Variants in BAIAP2 observed in about 807,000 individuals in gnomAD.
The protein encoded by BAIAP2 is BAR/IMD domain containing adaptor protein 2, also known as BAR/IMD domain-containing adapter protein 2.
Under a neutral mutation model 63.0 loss-of-function variants are expected in BAIAP2, and 18 were observed. The observed-to-expected ratio is 0.29, with a 90% confidence interval of 0.20 to 0.42. The LOEUF is 0.42. Ranked by LOEUF, BAIAP2 falls within the 10% of genes least tolerant of loss-of-function variation. The probability of loss-of-function intolerance (pLI) is 1.00; values close to 1 mark genes in which losing one functional copy is unlikely to be tolerated. For missense variants in BAIAP2, 610 were observed against 734.3 expected (o/e 0.83, Z 1.96); for synonymous variants, 386 against 307.6 (o/e 1.25, Z -2.67).
At chr17:81,110,196 C>G (rs960331110) in intron 13 of BAIAP2, 3 of 985,612 alleles carry the variant, frequency 3.0e-6, no homozygotes, top group Non-Finnish European at 3.6e-6. Flanking sequence ...CACACCTCCC[C>G]GTGGCCTGGG....
intron 3 of BAIAP2, among the ~76,000 whole-genome samples, chr17:81,075,572 T>G (rs2053524762): frequency 6.6e-6 from 1 of 152,224 alleles, no homozygotes; most frequent in African/African-American, 2.4e-5. Flanking sequence ...AGTGCCTGCC[T>G]CCTTGTGGCC....
At chr17:81,088,554 C>G (rs1018718238) in intron 6 of BAIAP2, among the ~76,000 whole-genome samples, 1 of 152,230 alleles carries the variant, frequency 6.6e-6, no homozygotes, top group African/African-American at 2.4e-5. Context: ...TGCCATTGGC[C>G]TCCGTAGACT....
chr17:81,109,809 C>T, intron 13 of BAIAP2: 4 of 985,396 alleles, frequency 4.1e-6, no homozygotes, highest in Non-Finnish European at 4.8e-6. Context: ...CCAGAGACCA[C>T]CCCACCCCCA....
intron 1 of BAIAP2, among the ~76,000 whole-genome samples, chr17:81,050,937 G>A (rs1457825215): frequency 6.6e-6 from 1 of 151,702 alleles, no homozygotes; most frequent in Non-Finnish European, 1.5e-5. Flanking sequence ...CGCCAGTCCC[G>A]GTCTGCATGG....
chr17:81,055,583 T>TTTTTTTTTTTTTG (rs2049390641), intron 2 of BAIAP2, among the ~76,000 whole-genome samples: 2 of 149,232 alleles, frequency 1.3e-5, no homozygotes, highest in Non-Finnish European at 3.0e-5. Flanking sequence ...TGTTTTTTTT[T>TTTTTTTTTTTTTG]GAGACGGAGT....
chr17:81,051,733 A>G (rs1207161104), intron 1 of BAIAP2, among the ~76,000 whole-genome samples: 1 of 152,162 alleles, frequency 6.6e-6, no homozygotes, highest in African/African-American at 2.4e-5. Flanking sequence ...TCTGTCACCC[A>G]GGCTGGAGTA....
Position 81,116,648 on chromosome 17 carries a change from C to G in BAIAP2, c.*809C>G, listed in dbSNP as rs6565535. Reference sequence around the variant, plus strand: ...CAGGACTCCTGGGTGGACCTCCCCCCCCCACCTCCGCTGACTCCTGCAGGC... The same window carrying G: ...CAGGACTCCTGGGTGGACCTCCCCCGCCCACCTCCGCTGACTCCTGCAGGC... On this transcript the variant is annotated 3_prime_UTR_variant, in exon 14 of 14. Transcript: ENST00000428708. The G allele has an allele frequency of 6.2e-5, 22 of 356,108 alleles. No homozygotes were observed. In the Admixed American group the frequency reaches 7.0e-4, roughly 11 times the overall value. 22.1% of individuals were successfully genotyped at this position (356,108 alleles called of 1,614,324 possible).
At chr17:81,088,172 G>A (rs1476450871) in intron 6 of BAIAP2, among the ~76,000 whole-genome samples, 6 of 152,136 alleles carry the variant, frequency 3.9e-5, no homozygotes, top group Non-Finnish European at 5.9e-5. Flanking sequence ...CCTCCGAGCA[G>A]GTCAGGACAG....
At chr17:81,044,728 A>G (rs1465321038) in intron 1 of BAIAP2, among the ~76,000 whole-genome samples, 2 of 152,178 alleles carry the variant, frequency 1.3e-5, no homozygotes, top group Non-Finnish European at 2.9e-5. Context: ...TTACGAGCCT[A>G]TGATGGTTTT....
chr17:81,038,020 C>T lies in BAIAP2; in HGVS notation c.54+2712C>T, dbSNP rs368915896. Among the ~76,000 whole-genome samples, 34 of 152,220 alleles carry T rather than the reference C, an allele frequency of 2.2e-4. 1 individual carries two copies. The highest frequency in any genetic ancestry group is 7.7e-4 in the African/African-American group (32 of 41,440). The stretch of plus-strand genomic sequence containing the variant: ...AGTGGAACGGCTTCCCGGTGTTTGC[C>T]GAGAACATAATCTCAGACCTTCTGG... On this transcript the variant is annotated intron_variant, in intron 1 of 13. Coordinates refer to ENST00000428708, the MANE Select transcript of BAIAP2 (RefSeq NM_001144888.2).
intron 13 of BAIAP2, 80 bp from the exon 14 acceptor site, chr17:81,115,690 T>C: frequency 2.6e-6 from 4 of 1,546,136 alleles, no homozygotes; most frequent in Non-Finnish European, 2.7e-6. Context: ...GGGGAATCCC[T>C]GGGGCATCGG....
At chr17:81,109,459 G>A in intron 13 of BAIAP2, 1 of 987,608 alleles carries the variant, frequency 1.0e-6, no homozygotes, top group Non-Finnish European at 1.2e-6. Flanking sequence ...GATCTGCATG[G>A]ACTCCGGTGT....
At chr17:81,039,424 C>T (rs1026878473) in intron 1 of BAIAP2, among the ~76,000 whole-genome samples, 1 of 152,224 alleles carries the variant, frequency 6.6e-6, no homozygotes, top group Non-Finnish European at 1.5e-5. Flanking sequence ...CCGTTGGTGG[C>T]TGCATGAAGT....
At chr17:81,073,946 C>T (rs1238175990) in intron 3 of BAIAP2, among the ~76,000 whole-genome samples, 4 of 152,182 alleles carry the variant, frequency 2.6e-5, no homozygotes, top group Non-Finnish European at 5.9e-5. Flanking sequence ...GCTTATGGAG[C>T]AGTCTTCCAA....
In BAIAP2 at chr17:81,045,473, G is replaced by C. The variant is rs549083797; in HGVS notation, c.55-8195G>C. 5.6e-4 allele frequency among the ~76,000 whole-genome samples: 85 copies of C among 152,274 alleles called. 1 individual carries two copies. In the South Asian group the frequency reaches 0.017, roughly 30 times the overall value. On this transcript the variant is annotated intron_variant, in intron 1 of 13. Transcript: ENST00000428708. ...ACCTCCCAGGAGCCTGGCGGGTAGG[G>C]CAGGCAGCATGAGGGAAGGAGTCCC...
Position 81,104,778 on chromosome 17 carries a change from G to A in BAIAP2, c.1268+63G>A, listed in dbSNP as rs1048953491. ...GCCTTCAGCAAGTGTGTGGGGCAGC[G>A]ACACTCAAGTGCACTGAGACCTTGT... is the stretch of plus-strand genomic sequence containing the variant. On this transcript the variant is annotated intron_variant, in intron 10 of 13. Transcript: ENST00000428708. 1.0e-5 allele frequency: 15 copies of A among 1,470,804 alleles called. No individual in the cohort carries two copies. In the South Asian group the frequency reaches 1.2e-4, roughly 12 times the overall value. 91.1% of individuals were successfully genotyped at this position (1,470,804 alleles called of 1,614,324 possible).
intron 1 of BAIAP2, among the ~76,000 whole-genome samples, chr17:81,048,201 A>G (rs1598511552): frequency 6.6e-6 from 1 of 152,110 alleles, no homozygotes. Context: ...CCTGGCCAAC[A>G]TGGTGAAACC....
chr17:81,096,994 A>AGGAGGC (rs1555677138), intron 6 of BAIAP2, among the ~76,000 whole-genome samples: 2 of 152,164 alleles, frequency 1.3e-5, no homozygotes, highest in Non-Finnish European at 2.9e-5. Flanking sequence ...GAGGAGGAGG[A>AGGAGGC]GGCAGCGGCA....
At chr17:81,098,329 C>G (rs2057988542) in intron 6 of BAIAP2, 3 of 578,236 alleles carry the variant, frequency 5.2e-6, no homozygotes, top group Admixed American at 8.7e-5. Flanking sequence ...CAAACTCCCC[C>G]TCTCCAGTTT....
Sources: gnomAD v4.1 joint callset for allele counts (sites outside exome capture counted in the v4.1 genomes callset) on GRCh38, gnomAD v4.1.1 for gene constraint, MANE v1.5 for transcripts, NCBI Gene and HGNC (gene_info 2026-07-23, HGNC 2026-07-21) for gene names.